The following FUS variants were observed in gnomAD, a reference collection of about 807,000 sequenced individuals.
The protein encoded by FUS is FUS RNA binding protein.
In FUS, 5 loss-of-function variants were observed where a neutral mutation model predicts 82.7. The observed-to-expected ratio is 0.06, with a 90% CI of 0.03 to 0.13. The LOEUF (loss-of-function observed/expected upper bound fraction) is 0.13, where lower values mean the gene tolerates loss of function less well. FUS is among the 10% of genes least tolerant of loss of function. FUS has a pLI of 1.00. For synonymous variants in FUS, 281 were observed against 247.4 expected, an observed-to-expected ratio of 1.14 and a Z score of -1.27; for missense variants, 512 against 707.8, an observed-to-expected ratio of 0.72 and a Z score of 3.14.
intron 10 of FUS, 28 bp from the exon 11 acceptor site, chr16:31,190,012 G>A: frequency 1.3e-6 from 2 of 1,592,792 alleles, no homozygotes; most frequent in Non-Finnish European, 1.7e-6. Context: ...TGCATTTAAA[G>A]TCTGTTGATG....
In FUS at chr16:31,188,415, G is replaced by A. The variant is rs924615704; in HGVS notation, c.832+58G>A. On this transcript the variant is annotated intron_variant, in intron 8 of 14. Coordinates refer to ENST00000254108, the MANE Select transcript of FUS (RefSeq NM_004960.4). ...GCTAAAGTGGTATCAAGACTGCCTG[G>A]ATGTTCTTTGAAACTATTATAAAAA... The A allele has an allele frequency of 1.4e-5, 22 of 1,560,220 alleles. No individual in the cohort carries two copies. In the South Asian group the frequency reaches 2.5e-4, roughly 17 times the overall value.
At chr16:31,193,851 G>C (rs970252038), downstream of FUS, 4 of 524,550 alleles carry the variant, frequency 7.6e-6, no homozygotes, top group Non-Finnish European at 1.5e-5. Flanking sequence ...GGTTTCACTG[G>C]GTTGCCCAGG....
chr16:31,185,842 G>A (rs1047975145), intron 6 of FUS: 2 of 271,776 alleles, frequency 7.4e-6, no homozygotes, highest in Non-Finnish European at 1.5e-5. Context: ...TTGTCCAACT[G>A]GACCTTCTTT....
chr16:31,180,521 C>T (rs1311546181), intron 1 of FUS, among the ~76,000 whole-genome samples: 2 of 152,206 alleles, frequency 1.3e-5, no homozygotes, highest in African/African-American at 4.8e-5. Flanking sequence ...GTGGAAAACG[C>T]CCATTCTCCG....
intron 12 of FUS, 67 bp downstream of exon 12, chr16:31,190,465 G>A: frequency 1.2e-6 from 2 of 1,606,442 alleles, no homozygotes; most frequent in Non-Finnish European, 1.7e-6. Flanking sequence ...TGGTACTGAG[G>A]TATGTGCGTG....
chr16:31,192,875 C>G (rs1257068262), downstream of FUS: 1 of 485,404 alleles, frequency 2.1e-6, no homozygotes, highest in Non-Finnish European at 4.1e-6. Context: ...TCTGGCCATC[C>G]TCTCAAATTT....
intron 6 of FUS, 159 bp from the exon 7 acceptor site, chr16:31,186,643 C>T (rs1421787418): frequency 1.4e-6 from 1 of 697,576 alleles, no homozygotes; most frequent in Admixed American, 2.2e-5. Flanking sequence ...GCTCAAAGGT[C>T]AGACAAGGGG....
downstream of FUS, chr16:31,192,125 G>GA (rs2079370540): frequency 3.8e-6 from 2 of 531,302 alleles, no homozygotes; most frequent in Middle Eastern, 5.2e-4. Flanking sequence ...CTGCCCTGGT[G>GA]AACAGCGCTT....
At chr16:31,181,361 G>A (rs2079175269) in intron 1 of FUS, among the ~76,000 whole-genome samples, 1 of 152,214 alleles carries the variant, frequency 6.6e-6, no homozygotes, top group Non-Finnish European at 1.5e-5. Flanking sequence ...TGTATCTTAA[G>A]TGGGGCTTTT....
chr16:31,185,205 A>G (rs767904577), intron 6 of FUS, 26 bp downstream of exon 6: 13 of 1,591,712 alleles, frequency 8.2e-6, no homozygotes, highest in Non-Finnish European at 1.1e-5. Context: ...GCCAGGGAGT[A>G]TCTTTGGTGG....
chr16:31,192,775 T>C, downstream of FUS: 2 of 480,438 alleles, frequency 4.2e-6, no homozygotes, highest in Non-Finnish European at 8.3e-6. Context: ...TTCACTGTGT[T>C]GGCCAGGCTG....
downstream of FUS, chr16:31,193,819 C>CTTT (rs753379140): frequency 4.6e-6 from 2 of 435,604 alleles, no homozygotes; most frequent in South Asian, 1.9e-5. Context: ...TTTTTAATTA[C>CTTT]TTTTTTTTTT....
chr16:31,191,283 C>T, intron 14 of FUS, 116 bp from the exon 15 acceptor site: 1 of 1,491,602 alleles, frequency 6.7e-7, no homozygotes, highest in Non-Finnish European at 9.3e-7. Context: ...TCTGTAGACC[C>T]ACTTGAGATA....
chr16:31,184,544 C>A, intron 5 of FUS, 148 bp downstream of exon 5: 1 of 823,896 alleles, frequency 1.2e-6, no homozygotes, highest in Non-Finnish European at 1.9e-6. Context: ...TCCGGGTTCG[C>A]GCCAGTCTCC....
downstream of FUS, chr16:31,193,993 T>G (rs778920930): frequency 1.1e-5 from 6 of 532,694 alleles, no homozygotes; most frequent in South Asian, 9.2e-5. Flanking sequence ...CTTGAAGCAT[T>G]AGGTGTCCCA....
Position 31,190,861 on chromosome 16 carries a change from G to A in FUS, c.1393+19G>A, listed in dbSNP as rs2079344566. 6.2e-7 allele frequency: 1 copy of A among 1,613,726 alleles called. No homozygotes were observed. Among genetic ancestry groups the A allele is most frequent in the Non-Finnish European group, 8.5e-7 (1 of 1,179,588 alleles). ...CACATGGGTAAGAAAGGCAGACCTG[G>A]TGCTAGGGAGCTGGGACCAAAGAAT... is the stretch of plus-strand genomic sequence containing the variant. On this transcript the variant is annotated intron_variant, in intron 13 of 14. Coordinates refer to ENST00000254108, the MANE Select transcript of FUS (RefSeq NM_004960.4).
chr16:31,193,815 A>G (rs1481170076), downstream of FUS: 4 of 509,718 alleles, frequency 7.8e-6, no homozygotes, highest in African/African-American at 3.9e-5. Context: ...TTTTTTTTTA[A>G]TTACTTTTTT....
chr16:31,181,308 G>A (rs1249586389), intron 1 of FUS, among the ~76,000 whole-genome samples: 2 of 152,240 alleles, frequency 1.3e-5, no homozygotes, highest in African/African-American at 2.4e-5. Context: ...TGCGGGGGAA[G>A]CGCCGCGTTT....
At chr16:31,184,581 C>G (rs1292201672) in intron 5 of FUS, among the ~76,000 whole-genome samples, 185 bp downstream of exon 5, 1 of 151,920 alleles carries the variant, frequency 6.6e-6, no homozygotes, top group East Asian at 1.9e-4. Flanking sequence ...GTAGCTGGGA[C>G]TACAGGCATC....
Sources: allele counts gnomAD v4.1 joint callset (sites outside exome capture counted in the v4.1 genomes callset), GRCh38; gene constraint gnomAD v4.1.1; transcripts MANE v1.5; gene names NCBI Gene and HGNC (gene_info 2026-07-23, HGNC 2026-07-21).